The following CDK6 variants were observed in gnomAD, a reference collection of about 807,000 sequenced individuals.
CDK6 encodes the protein cyclin dependent kinase 6, also known as cyclin-dependent kinase 6.
In CDK6, 6 loss-of-function variants were observed where a neutral mutation model predicts 37.1. That is an observed-to-expected ratio of 0.16 (90% CI 0.09 to 0.32). The LOEUF is 0.32. Among genes scored for constraint, CDK6 ranks in the 10% least tolerant of loss-of-function variants. The probability of loss-of-function intolerance (pLI) is 1.00; values close to 1 mark genes in which losing one functional copy is unlikely to be tolerated. For synonymous variants in CDK6, 160 were observed against 161.3 expected, an observed-to-expected ratio of 0.99 and a Z score of 0.06; for missense variants, 224 against 418.9, an observed-to-expected ratio of 0.53 and a Z score of 4.06.
intron 3 of CDK6, among the ~76,000 whole-genome samples, chr7:92,751,608 G>T (rs778647712): frequency 2.6e-5 from 4 of 152,088 alleles, no homozygotes; most frequent in Non-Finnish European, 5.9e-5. Context: ...AATAAATTAG[G>T]CTGTATCTTT....
intron 3 of CDK6, among the ~76,000 whole-genome samples, chr7:92,749,998 A>G (rs1221043633): frequency 1.3e-5 from 2 of 152,204 alleles, no homozygotes; most frequent in East Asian, 3.8e-4. Context: ...TAGTGAAGAG[A>G]GCATTACTGA....
At chr7:92,720,208 A>C (rs904421147) in intron 4 of CDK6, among the ~76,000 whole-genome samples, 1 of 152,238 alleles carries the variant, frequency 6.6e-6, no homozygotes, top group African/African-American at 2.4e-5. Flanking sequence ...GACTTAAAAA[A>C]TATTCTTTAA....
Position 92,834,588 on chromosome 7 carries a change from A to T in CDK6, c.-367-898T>A, listed in dbSNP as rs1801596144. ...TTCGCTTGTCGTCTCCTTAAAGAAT[A>T]ACTTCAGGAAGGGGATAGCATAATC... is the stretch of plus-strand genomic sequence containing the variant. On this transcript the variant is annotated intron_variant, in intron 1 of 7. Coordinates refer to ENST00000424848, the MANE Select transcript of CDK6 (RefSeq NM_001145306.2). The surrounding 1 kb of genome is among the most constrained non-coding windows in gnomAD (Gnocchi z 4.6). 6.7e-6 allele frequency among the ~76,000 whole-genome samples: 1 copy of T among 150,160 alleles called. No individual in the cohort carries two copies. The highest frequency in any genetic ancestry group is 2.5e-5 in the African/African-American group (1 of 40,644).
At chr7:92,682,782 G>C (rs1000325323) in intron 4 of CDK6, among the ~76,000 whole-genome samples, 1 of 152,156 alleles carries the variant, frequency 6.6e-6, no homozygotes, top group Non-Finnish European at 1.5e-5. Flanking sequence ...GTCCACACCA[G>C]GCATTCTGAG....
chr7:92,654,233 ATTC>A (rs1796639295), intron 5 of CDK6, among the ~76,000 whole-genome samples: 1 of 150,362 alleles, frequency 6.7e-6, no homozygotes, highest in Non-Finnish European at 1.5e-5. Flanking sequence ...GTCTTCTAGC[ATTC>A]TTCTCAGTCT....
chr7:92,674,321 TCATACCTTGTAA>T (rs1422001464), intron 4 of CDK6, among the ~76,000 whole-genome samples: 2 of 152,168 alleles, frequency 1.3e-5, no homozygotes, highest in Non-Finnish European at 2.9e-5. Context: ...TATCTGAAAA[TCATACCTTGTAA>T]CATAGCTCAT....
At chr7:92,679,310 C>T (rs918669468) in intron 4 of CDK6, among the ~76,000 whole-genome samples, 1 of 152,094 alleles carries the variant, frequency 6.6e-6, no homozygotes, top group African/African-American at 2.4e-5. Flanking sequence ...TTTTAAGACT[C>T]CCTAAATGAT....
In CDK6 at chr7:92,606,781, A is replaced by T. The variant is rs1478957308; in HGVS notation, c.*8359T>A. ...AGAAACACTAATACATTTTACAGTG[A>T]AAACCTACTTTAACACATCTCAAAA... On this transcript the variant is annotated 3_prime_UTR_variant, in exon 8 of 8. Transcript: ENST00000424848. 4.3e-6 allele frequency: 1 copy of T among 233,036 alleles called. No individual in the cohort carries two copies. The highest frequency in any genetic ancestry group is 8.5e-6 in the Non-Finnish European group (1 of 117,990). 14.4% of individuals were successfully genotyped at this position (233,036 alleles called of 1,614,324 possible).
At chr7:92,806,316 G>A (rs1800724052) in intron 2 of CDK6, among the ~76,000 whole-genome samples, 1 of 152,124 alleles carries the variant, frequency 6.6e-6, no homozygotes, top group Non-Finnish European at 1.5e-5. Context: ...TTCTGAGCCT[G>A]TATCCAGGAC....
rs777062207 is a variant in CDK6, at chr7:92,774,797, T to C, written c.268A>G (p.Arg90Gly). ...AACACTAAAGTTAGTTTGGTTTCTC[T>C]GTCTGTTCGTGACACTGTGCACACA... The part of the protein sequence containing the change: ...FDVCTVSRTD[R>G]ETKLTLVFEH... The change falls in exon 3 of 8, where the codon AGA (arginine) becomes GGA (glycine). Residue 90 changes from arginine to glycine, a missense_variant. Physicochemically the swap from Arg to Gly is moderately radical, Grantham distance 125. Transcript: ENST00000424848. 2.5e-6 allele frequency: 4 copies of C among 1,612,710 alleles called. No homozygotes were observed. The highest frequency in any genetic ancestry group is 3.4e-6 in the Non-Finnish European group (4 of 1,179,504).
chr7:92,709,887 A>G (rs571179677), intron 4 of CDK6, among the ~76,000 whole-genome samples: 126 of 152,308 alleles, frequency 8.3e-4, no homozygotes, highest in African/African-American at 2.9e-3. Flanking sequence ...TGTGGTAAGC[A>G]ATCATTCTTA....
intron 5 of CDK6, among the ~76,000 whole-genome samples, chr7:92,665,411 T>C (rs1037787888): frequency 6.6e-6 from 1 of 152,136 alleles, no homozygotes; most frequent in Admixed American, 6.5e-5. Flanking sequence ...TGGGTTACTC[T>C]GGATGAAGAA....
At chr7:92,811,406 C>T (rs1192109722) in intron 2 of CDK6, among the ~76,000 whole-genome samples, 4 of 152,018 alleles carry the variant, frequency 2.6e-5, no homozygotes, top group Non-Finnish European at 4.4e-5. Flanking sequence ...CCCTCCTTAC[C>T]GTGTGTAAAA....
chr7:92,662,765 G>A (rs905541451), intron 5 of CDK6, among the ~76,000 whole-genome samples: 1 of 152,086 alleles, frequency 6.6e-6, no homozygotes, highest in African/African-American at 2.4e-5. Context: ...AAAATCATGG[G>A]TCCTGAAAAT....
chr7:92,727,565 T>C (rs1183099848), intron 3 of CDK6, among the ~76,000 whole-genome samples: 1 of 152,216 alleles, frequency 6.6e-6, no homozygotes, highest in Non-Finnish European at 1.5e-5. Context: ...AGGATGATTA[T>C]TGCCAAGATA....
At chr7:92,626,443 A>G (rs1202206425) in intron 5 of CDK6, among the ~76,000 whole-genome samples, 2 of 152,124 alleles carry the variant, frequency 1.3e-5, no homozygotes, top group Non-Finnish European at 2.9e-5. Context: ...AATGTTAGGA[A>G]GTGGTTTGAT....
intron 2 of CDK6, among the ~76,000 whole-genome samples, chr7:92,802,998 T>G (rs1227289395): frequency 6.6e-6 from 1 of 152,234 alleles, no homozygotes; most frequent in African/African-American, 2.4e-5. Flanking sequence ...TTCGTCATTC[T>G]GCGTTCTTAC....
chr7:92,660,803 G>C (rs907217584), intron 5 of CDK6, among the ~76,000 whole-genome samples: 4 of 152,142 alleles, frequency 2.6e-5, no homozygotes, highest in Non-Finnish European at 5.9e-5. Flanking sequence ...CGGGATGAGG[G>C]TTCCATTAAC....
chr7:92,630,279 A>ATTTATTTAT (rs1554396882), intron 5 of CDK6, among the ~76,000 whole-genome samples: 10 of 146,832 alleles, frequency 6.8e-5, no homozygotes, highest in Admixed American at 2.1e-4. Flanking sequence ...GCCAAATTAC[A>ATTTATTTAT]TTATTTATTT....
Sources: gnomAD v4.1 joint callset for allele counts (sites outside exome capture counted in the v4.1 genomes callset) on GRCh38, gnomAD v4.1.1 for gene constraint, Gnocchi (gnomAD v3.1) non-coding constraint, MANE v1.5 for transcripts, NCBI Gene and HGNC (gene_info 2026-07-23, HGNC 2026-07-21) for gene names.